Variants in NRG3 observed in about 807,000 individuals in gnomAD.
NRG3 encodes pro-neuregulin-3, membrane-bound isoform.
Under a neutral mutation model 66.9 loss-of-function variants are expected in NRG3, and 31 were observed. The ratio of observed to expected loss-of-function variants is 0.46; its 90% confidence interval spans 0.35 to 0.63. The LOEUF (loss-of-function observed/expected upper bound fraction) is 0.63, where lower values mean the gene tolerates loss of function less well. Among genes scored for constraint, NRG3 ranks in the 20% least tolerant of loss-of-function variants. The pLI is 0.00. For synonymous variants in NRG3, 393 were observed against 359.4 expected, an observed-to-expected ratio of 1.09 and a Z score of -1.06; for missense variants, 910 against 878.9, an observed-to-expected ratio of 1.04 and a Z score of -0.45.
At chr10:82,304,825 ATGGGTTGAC>A (rs2134844873) in intron 1 of NRG3, among the ~76,000 whole-genome samples, 1 of 152,132 alleles carries the variant, frequency 6.6e-6, no homozygotes, top group South Asian at 2.1e-4. Flanking sequence ...TAATCCAATC[ATGGGTTGAC>A]ATTCCATCAT....
chr10:82,013,788 T>C (rs2061676620), intron 1 of NRG3, among the ~76,000 whole-genome samples: 2 of 152,200 alleles, frequency 1.3e-5, no homozygotes, highest in South Asian at 2.1e-4. Flanking sequence ...TTTATGTTTA[T>C]TTATATAAAT....
intron 1 of NRG3, among the ~76,000 whole-genome samples, chr10:81,912,518 AG>A (rs138103883): frequency 6.6e-6 from 1 of 152,334 alleles, no homozygotes; most frequent in Non-Finnish European, 1.5e-5. Context: ...CACCATGCCC[AG>A]CCTATACAGA....
At chr10:82,249,514 G>T (rs1027302773) in intron 1 of NRG3, among the ~76,000 whole-genome samples, 2 of 152,096 alleles carry the variant, frequency 1.3e-5, no homozygotes, top group African/African-American at 4.8e-5. Context: ...GATACTGTTG[G>T]ATATTTGTTG....
intron 2 of NRG3, among the ~76,000 whole-genome samples, chr10:82,573,675 GCACCCTTAC>G (rs1358639273): frequency 6.6e-6 from 1 of 151,694 alleles, no homozygotes; most frequent in Non-Finnish European, 1.5e-5. Flanking sequence ...CACAGATAAA[GCACCCTTAC>G]CTTATGGAGT....
At chr10:82,001,376 A>T (rs1411022383) in intron 1 of NRG3, among the ~76,000 whole-genome samples, 3 of 151,966 alleles carry the variant, frequency 2.0e-5, no homozygotes, top group Non-Finnish European at 1.5e-5. Context: ...TGTGGTGGGC[A>T]TCCATAATCC....
At chr10:82,838,276 T>C (rs955704562) in intron 3 of NRG3, among the ~76,000 whole-genome samples, 1 of 152,176 alleles carries the variant, frequency 6.6e-6, no homozygotes, top group East Asian at 1.9e-4. Flanking sequence ...GGTTCAGTAA[T>C]GGGCAGAGTC....
chr10:82,473,089 C>T (rs1196459501), intron 2 of NRG3, among the ~76,000 whole-genome samples: 1 of 152,098 alleles, frequency 6.6e-6, no homozygotes, highest in Non-Finnish European at 1.5e-5. Flanking sequence ...GTGAACACAC[C>T]CAGTTGTTGA....
chr10:82,619,834 C>T lies in NRG3; in HGVS notation c.954-118743C>T, dbSNP rs2048920554. On this transcript the variant is annotated intron_variant, in intron 2 of 8. Coordinates refer to ENST00000372141, the MANE Select transcript of NRG3 (RefSeq NM_001010848.4). ...AACATCCACAAGCCAAGGAGAAAGG[C>T]CTTAGCAGAAACCAATACTGCTGAC... Among the ~76,000 whole-genome samples the T allele has an allele frequency of 2.0e-5, 3 of 152,094 alleles. No homozygotes were observed. The South Asian group carries it at 6.2e-4, about 31-fold the overall frequency.
chr10:82,213,121 A>G (rs1262441118), intron 1 of NRG3, among the ~76,000 whole-genome samples: 6 of 152,190 alleles, frequency 3.9e-5, no homozygotes, highest in Non-Finnish European at 8.8e-5. Flanking sequence ...ACCCAGGTAG[A>G]GTGGTAATGA....
At chr10:82,359,832 C>T (rs1374947960) in intron 2 of NRG3, among the ~76,000 whole-genome samples, 1 of 152,054 alleles carries the variant, frequency 6.6e-6, no homozygotes, top group African/African-American at 2.4e-5. Flanking sequence ...ACTCTATTCC[C>T]ATGTTGTTTC....
intron 2 of NRG3, among the ~76,000 whole-genome samples, chr10:82,667,551 T>C (rs4073987): frequency 0.16 from 24,025 of 152,118 alleles, 2,215 homozygotes; most frequent in African/African-American, 0.25. Context: ...TAATTTTTTT[T>C]TAACTCACAG....
chr10:82,273,229 A>G (rs985361956), intron 1 of NRG3, among the ~76,000 whole-genome samples: 8 of 152,034 alleles, frequency 5.3e-5, no homozygotes, highest in Non-Finnish European at 8.8e-5. Context: ...CTTCACCTGT[A>G]TACATTATTT....
chr10:82,662,818 G>C (rs533011974), intron 2 of NRG3, among the ~76,000 whole-genome samples: 3 of 152,090 alleles, frequency 2.0e-5, no homozygotes, highest in Non-Finnish European at 4.4e-5. Flanking sequence ...AGGTATAAAG[G>C]CTCCATAAAA....
chr10:82,680,676 C>T (rs1466698711), intron 2 of NRG3, among the ~76,000 whole-genome samples: 4 of 152,098 alleles, frequency 2.6e-5, no homozygotes, highest in African/African-American at 9.7e-5. Flanking sequence ...ACAGGGTTGA[C>T]GTTTGCTCTG....
chr10:82,830,991 T>C (rs1255276109), intron 3 of NRG3, among the ~76,000 whole-genome samples: 1 of 152,226 alleles, frequency 6.6e-6, no homozygotes, highest in East Asian at 1.9e-4. Context: ...GCAAAACAAA[T>C]AGAAATTGAA....
chr10:82,075,508 T>C (rs931181648), intron 1 of NRG3, among the ~76,000 whole-genome samples: 1 of 152,192 alleles, frequency 6.6e-6, no homozygotes, highest in Non-Finnish European at 1.5e-5. Flanking sequence ...TGGTCAGCCC[T>C]TTCTCCAAAG....
At chr10:82,888,452 A>G (rs1395324742) in intron 4 of NRG3, among the ~76,000 whole-genome samples, 1 of 152,206 alleles carries the variant, frequency 6.6e-6, no homozygotes, top group East Asian at 1.9e-4. Flanking sequence ...GAGAAATGGA[A>G]TTTAAAAAAT....
At chr10:81,886,471 A>T (rs1004987841) in intron 1 of NRG3, among the ~76,000 whole-genome samples, 2 of 152,126 alleles carry the variant, frequency 1.3e-5, no homozygotes, top group Non-Finnish European at 2.9e-5. Context: ...AAGTTGTGAG[A>T]AGTTTAACGA....
chr10:81,880,272 G>A (rs935633400), intron 1 of NRG3, among the ~76,000 whole-genome samples: 2 of 152,090 alleles, frequency 1.3e-5, no homozygotes, highest in Non-Finnish European at 2.9e-5. Flanking sequence ...TGCGGTTTAA[G>A]CATTCCTCCC....
Sources: allele counts gnomAD v4.1 joint callset (sites outside exome capture counted in the v4.1 genomes callset), GRCh38; gene constraint gnomAD v4.1.1; transcripts MANE v1.5; gene names NCBI Gene and HGNC (gene_info 2026-07-23, HGNC 2026-07-21).